Variants in BCL2L13 observed in about 807,000 individuals in gnomAD.
The protein encoded by BCL2L13 is BCL2 like 13.
Under a neutral mutation model 25.8 loss-of-function variants are expected in BCL2L13, and 13 were observed. The ratio of observed to expected loss-of-function variants is 0.50; its 90% CI spans 0.33 to 0.80. The LOEUF is 0.80. BCL2L13 is among the 30% of genes least tolerant of loss of function. BCL2L13 has a pLI of 0.02. For missense variants in BCL2L13, 504 were observed against 574.9 expected, an observed-to-expected ratio of 0.88 and a Z score of 1.26; for synonymous variants, 244 against 230.3, an observed-to-expected ratio of 1.06 and a Z score of -0.54.
At chr22:17,694,996 A>T (rs903311050) in intron 4 of BCL2L13, among the ~76,000 whole-genome samples, 1 of 152,162 alleles carries the variant, frequency 6.6e-6, no homozygotes, top group African/African-American at 2.4e-5. Flanking sequence ...TTCACGAGAG[A>T]AAAGTTCCTT....
At chr22:17,688,061 G>A (rs2059997591) in intron 3 of BCL2L13, among the ~76,000 whole-genome samples, 1 of 150,866 alleles carries the variant, frequency 6.6e-6, no homozygotes, top group Non-Finnish European at 1.5e-5. Context: ...CAGGTGATCT[G>A]CCCAGCCTTG....
At chr22:17,693,368 G>GTTTTTTTTTTTTT (rs1335053444) in intron 4 of BCL2L13, among the ~76,000 whole-genome samples, 5 of 112,244 alleles carry the variant, frequency 4.5e-5, no homozygotes, top group African/African-American at 2.0e-4. Flanking sequence ...TTTATTTAGT[G>GTTTTTTTTTTTTT]TTTGTTTTTT....
chr22:17,673,112 T>A (rs1284257238), intron 2 of BCL2L13, among the ~76,000 whole-genome samples: 1 of 152,162 alleles, frequency 6.6e-6, no homozygotes, highest in Non-Finnish European at 1.5e-5. Flanking sequence ...TCATATTCTT[T>A]ATGTAATGAG....
Position 17,728,267 on chromosome 22 carries a change from C to G in BCL2L13, c.*733C>G, listed in dbSNP as rs2061347288. Reference sequence around the variant, plus strand: ...GCTCTGGACTCAGTCTGTCAAGTCCCCGAAGCTTCCTGCAGCTCCACCTTG... The same window carrying G: ...GCTCTGGACTCAGTCTGTCAAGTCCGCGAAGCTTCCTGCAGCTCCACCTTG... On this transcript the variant is annotated 3_prime_UTR_variant, in exon 7 of 7. Coordinates refer to ENST00000317582, the MANE Select transcript of BCL2L13 (RefSeq NM_015367.4). 6.6e-6 allele frequency: 1 copy of G among 152,190 alleles called. No homozygotes were observed. Among genetic ancestry groups the G allele is most frequent in the South Asian group, 2.1e-4 (1 of 4,828 alleles). 9.4% of individuals were successfully genotyped at this position (152,190 alleles called of 1,614,324 possible). A position where few individuals can be genotyped will look rare whatever the true frequency, so the allele number is the denominator to read the frequency against.
At chr22:17,636,122 G>A (rs906399145), upstream of BCL2L13, among the ~76,000 whole-genome samples, 18 of 149,988 alleles carry the variant, frequency 1.2e-4, no homozygotes, top group African/African-American at 4.2e-4. Context: ...TCAGGAGTTC[G>A]AGAGCAGCCT....
intron 6 of BCL2L13, among the ~76,000 whole-genome samples, chr22:17,716,422 C>T (rs979357678): frequency 1.3e-5 from 2 of 152,152 alleles, no homozygotes; most frequent in South Asian, 2.1e-4. Flanking sequence ...AAGGAGACAG[C>T]GCTTGGGAAT....
chr22:17,717,744 C>G (rs1342291524), intron 6 of BCL2L13, among the ~76,000 whole-genome samples: 1 of 151,914 alleles, frequency 6.6e-6, no homozygotes, highest in African/African-American at 2.4e-5. Flanking sequence ...TTATATCATC[C>G]AAGTTGGATT....
chr22:17,703,170 T>TACACACACACACACAC (rs985534035), intron 6 of BCL2L13: 12 of 135,224 alleles, frequency 8.9e-5, no homozygotes, highest in Admixed American at 3.5e-4. Context: ...AAAATATATA[T>TACACACACACACACAC]ATACACACAC....
intron 6 of BCL2L13, 112 bp from the exon 7 acceptor site, chr22:17,726,565 C>A (rs2145845735): frequency 8.1e-7 from 1 of 1,232,648 alleles, no homozygotes; most frequent in Non-Finnish European, 1.1e-6. Flanking sequence ...TAGGTTTAAA[C>A]AGTGTTTCAT....
chr22:17,656,335 CTTTTTTTTTTTTTTTTTTTT>C (rs890631679), intron 2 of BCL2L13, among the ~76,000 whole-genome samples: 3 of 57,880 alleles, frequency 5.2e-5, no homozygotes, highest in South Asian at 1.0e-3. Flanking sequence ...TCATTTTATT[CTTTTTTTTTTTTTTTTTTTT>C]TTTTTTTTTT....
chr22:17,689,209 A>C, intron 4 of BCL2L13, 67 bp downstream of exon 4: 4 of 1,506,578 alleles, frequency 2.7e-6, no homozygotes, highest in Non-Finnish European at 3.6e-6. Context: ...GCAGCACTGG[A>C]TTGGTTAGGG....
upstream of BCL2L13, among the ~76,000 whole-genome samples, chr22:17,636,618 A>G (rs537794568): frequency 6.6e-6 from 1 of 151,480 alleles, no homozygotes. Flanking sequence ...GCGAAACCCT[A>G]TCTCTACTAA....
At chr22:17,684,922 C>T (rs552442152) in intron 3 of BCL2L13, among the ~76,000 whole-genome samples, 4 of 152,070 alleles carry the variant, frequency 2.6e-5, no homozygotes, top group East Asian at 1.9e-4. Flanking sequence ...TTAGTAGAGA[C>T]GGGGTTTCAG....
chr22:17,699,445 CAAAG>C (rs1251350962), intron 5 of BCL2L13, among the ~76,000 whole-genome samples: 13 of 151,948 alleles, frequency 8.6e-5, no homozygotes, highest in Admixed American at 7.9e-4. Flanking sequence ...ACCTGTTAAA[CAAAG>C]AGACCACATA....
chr22:17,713,460 ATTT>A (rs34378723), intron 6 of BCL2L13, among the ~76,000 whole-genome samples: 51 of 132,172 alleles, frequency 3.9e-4, no homozygotes, highest in African/African-American at 8.5e-4. Context: ...TTGAAAATGC[ATTT>A]TTTTTTTTTT....
Position 17,689,113 on chromosome 22 carries a change from C to G in BCL2L13, c.357C>G (p.Leu119=). 6.2e-7 allele frequency: 1 copy of G among 1,614,116 alleles called. No individual in the cohort carries two copies. Among genetic ancestry groups the G allele is most frequent in the Non-Finnish European group, 8.5e-7 (1 of 1,180,004 alleles). The change falls in exon 4 of 7, where the codon CTC becomes CTG. Residue 119 remains leucine (L), a synonymous_variant. Coordinates refer to ENST00000317582, the MANE Select transcript of BCL2L13 (RefSeq NM_015367.4). ...EKVSQELKEP[L]HKALQMLLSQ... The stretch of plus-strand genomic sequence containing the variant: ...TGTCCCAGGAACTGAAAGAGCCTCT[C>G]CATAAAGCATTGCAAATGCTCCTGA...
chr22:17,666,504 T>G (rs1303386709), intron 2 of BCL2L13, among the ~76,000 whole-genome samples: 2 of 152,008 alleles, frequency 1.3e-5, no homozygotes, highest in African/African-American at 4.8e-5. Context: ...CCCATTACCC[T>G]TCTTAGTTCT....
intron 4 of BCL2L13, among the ~76,000 whole-genome samples, chr22:17,693,797 C>T (rs1450342789): frequency 4.6e-5 from 7 of 151,882 alleles, no homozygotes; most frequent in African/African-American, 1.7e-4. Context: ...AGTGCAGTGG[C>T]GCAGTCTCGG....
At chr22:17,710,941 C>T (rs5992801) in intron 6 of BCL2L13, among the ~76,000 whole-genome samples, 19,137 of 151,940 alleles carry the variant, frequency 0.13, 1,547 homozygotes, top group African/African-American at 0.21. Context: ...CAATATATTA[C>T]GCCAAAGTTG....
Sources: gnomAD v4.1 joint callset for allele counts (sites outside exome capture counted in the v4.1 genomes callset) on GRCh38, gnomAD v4.1.1 for gene constraint, MANE v1.5 for transcripts, NCBI Gene and HGNC (gene_info 2026-07-23, HGNC 2026-07-21) for gene names.